Variants in PLPPR1 observed in about 807,000 individuals in gnomAD.
PLPPR1 encodes phospholipid phosphatase related 1.
Under a neutral mutation model 33.1 loss-of-function variants are expected in PLPPR1, and 10 were observed. The ratio of observed to expected loss-of-function variants is 0.30; its 90% CI spans 0.19 to 0.51. PLPPR1 has a LOEUF of 0.51. PLPPR1 is among the 20% of genes least tolerant of loss of function. PLPPR1 has a pLI of 0.97. For missense variants in PLPPR1, 304 were observed against 408.1 expected (o/e 0.74, Z 2.20); for synonymous variants, 151 against 151.0 (o/e 1.00, Z 0.00).
intron 1 of PLPPR1, among the ~76,000 whole-genome samples, chr9:101,110,376 C>T (rs940362978): frequency 6.6e-6 from 1 of 152,110 alleles, no homozygotes; most frequent in Non-Finnish European, 1.5e-5. Context: ...TAAATAAACA[C>T]AACTATTTAG....
At chr9:101,222,938 T>C (rs1470807698) in intron 2 of PLPPR1, among the ~76,000 whole-genome samples, 1 of 151,814 alleles carries the variant, frequency 6.6e-6, no homozygotes, top group East Asian at 1.9e-4. Flanking sequence ...TGGTTGTCTA[T>C]CCCAACTAGT....
intron 2 of PLPPR1, among the ~76,000 whole-genome samples, chr9:101,232,744 A>C (rs1181771779): frequency 6.6e-6 from 1 of 151,836 alleles, no homozygotes; most frequent in African/African-American, 2.4e-5. Flanking sequence ...CCCCATCACT[A>C]CCTTGCCCTA....
At position 101,183,580 on chromosome 9, in the gene PLPPR1, T is replaced by C. The variant is rs147493198; in HGVS notation, c.-45-1870T>C. ...TGATTAAAAAGTTCTAAAACTATCT[T>C]ATGGGAAAGTTGCACAATTTGGTAA... is the stretch of plus-strand genomic sequence containing the variant. On this transcript the variant is annotated intron_variant, in intron 1 of 7. Coordinates refer to ENST00000374874, the MANE Select transcript of PLPPR1 (RefSeq NM_207299.2). 3.1e-3 allele frequency among the ~76,000 whole-genome samples: 473 copies of C among 151,694 alleles called. 1 individual carries two copies. The highest frequency in any genetic ancestry group is 0.02 in the Middle Eastern group (6 of 294).
intron 1 of PLPPR1, among the ~76,000 whole-genome samples, chr9:101,069,194 C>A (rs78891538): frequency 0.014 from 2,187 of 151,936 alleles, 63 homozygotes; most frequent in African/African-American, 0.05. Flanking sequence ...AGCAGCCTGG[C>A]TCCTGATAAC....
chr9:101,156,962 C>T (rs1434445845), intron 1 of PLPPR1, among the ~76,000 whole-genome samples: 5 of 152,112 alleles, frequency 3.3e-5, no homozygotes, highest in Non-Finnish European at 7.3e-5. Context: ...GTGAGCCTGA[C>T]ATTGACATGG....
At chr9:101,279,315 G>A (rs1327792669) in intron 3 of PLPPR1, among the ~76,000 whole-genome samples, 1 of 152,154 alleles carries the variant, frequency 6.6e-6, no homozygotes, top group Non-Finnish European at 1.5e-5. Flanking sequence ...CCCAGCACTG[G>A]GGCATGCAGA....
intron 3 of PLPPR1, among the ~76,000 whole-genome samples, chr9:101,279,449 T>C (rs1315908820): frequency 3.3e-5 from 5 of 152,202 alleles, no homozygotes; most frequent in Non-Finnish European, 5.9e-5. Context: ...TAAAGGAACA[T>C]TGATCTTAAT....
intron 1 of PLPPR1, among the ~76,000 whole-genome samples, chr9:101,031,198 G>A (rs776272599): frequency 1.3e-5 from 2 of 151,968 alleles, no homozygotes; most frequent in African/African-American, 2.4e-5. Context: ...GAAAACCTTG[G>A]CAAGAAAAGA....
intron 1 of PLPPR1, among the ~76,000 whole-genome samples, chr9:101,052,184 CATA>C (rs1441965717): frequency 2.6e-5 from 4 of 152,098 alleles, no homozygotes; most frequent in Non-Finnish European, 5.9e-5. Flanking sequence ...GTGTATTGAA[CATA>C]ATAAGCACAT....
intron 1 of PLPPR1, among the ~76,000 whole-genome samples, chr9:101,068,641 G>A (rs1001915017): frequency 9.2e-5 from 14 of 151,596 alleles, no homozygotes; most frequent in African/African-American, 3.2e-4. Context: ...TTAAAACCTA[G>A]CCTCCCTGAG....
At chr9:101,140,027 A>G (rs560672299) in intron 1 of PLPPR1, among the ~76,000 whole-genome samples, 1 of 152,306 alleles carries the variant, frequency 6.6e-6, no homozygotes, top group South Asian at 2.1e-4. Context: ...ACAAATTGCC[A>G]TTCGATGGAG....
At chr9:101,038,001 A>T (rs1830030376) in intron 1 of PLPPR1, among the ~76,000 whole-genome samples, 1 of 152,136 alleles carries the variant, frequency 6.6e-6, no homozygotes, top group Admixed American at 6.5e-5. Context: ...ATGTAGATAT[A>T]ATGAGGTGCT....
rs530211227 is a variant in PLPPR1 at position 101,291,981 on chromosome 9, T to C, written c.385+5745T>C. Among the ~76,000 whole-genome samples the C allele has an allele frequency of 9.2e-5, 14 of 152,160 alleles. No individual in the cohort carries two copies. In the South Asian group the frequency reaches 2.9e-3, roughly 32 times the overall value. On this transcript the variant is annotated intron_variant, in intron 4 of 7. Transcript: ENST00000374874. ...GTTGAGAGAAGAAGGCTTCAGACGA[T>C]CAAACTACTCTGAGCTACAGGAGGA... is the stretch of plus-strand genomic sequence containing the variant.
chr9:101,119,392 G>C (rs2118590950), intron 1 of PLPPR1, among the ~76,000 whole-genome samples: 1 of 152,286 alleles, frequency 6.6e-6, no homozygotes, highest in South Asian at 2.1e-4. Flanking sequence ...GCAAACCCTG[G>C]CCATCAGATA....
intron 6 of PLPPR1, among the ~76,000 whole-genome samples, chr9:101,314,320 T>C (rs560777105): frequency 6.6e-6 from 1 of 152,168 alleles, no homozygotes; most frequent in South Asian, 2.1e-4. Context: ...CTCCCCAATA[T>C]GCAAAATACA....
At chr9:101,029,506 T>A (rs1829914052) in intron 1 of PLPPR1, among the ~76,000 whole-genome samples, 2 of 152,070 alleles carry the variant, frequency 1.3e-5, no homozygotes, top group South Asian at 4.2e-4. Flanking sequence ...TGATGCCAAG[T>A]CCTCCCACCC....
In PLPPR1 at chr9:101,324,010, G is replaced by A; in HGVS notation, c.946-15G>A. The A allele has an allele frequency of 2.5e-6, 4 of 1,611,660 alleles. No individual in the cohort carries two copies. Among genetic ancestry groups the A allele is most frequent in the Non-Finnish European group, 3.4e-6 (4 of 1,178,054 alleles). ...ACCCTATCTCAGATTTTATCTGCTT[G>A]TGTTTGCTCCACAGAATCACTCTGC... On this transcript the variant is annotated splice_polypyrimidine_tract_variant and intron_variant, in intron 7 of 7. Coordinates refer to ENST00000374874, the MANE Select transcript of PLPPR1 (RefSeq NM_207299.2).
intron 1 of PLPPR1, among the ~76,000 whole-genome samples, chr9:101,166,401 T>C (rs1453219886): frequency 2.0e-5 from 3 of 152,188 alleles, no homozygotes; most frequent in African/African-American, 7.2e-5. Flanking sequence ...ATATCATCTT[T>C]CCAAAAGACA....
chr9:101,312,398 C>T (rs1183363908), intron 5 of PLPPR1, among the ~76,000 whole-genome samples: 1 of 152,160 alleles, frequency 6.6e-6, no homozygotes, highest in African/African-American at 2.4e-5. Context: ...GTCTTCTCCA[C>T]CAAAAGCTTC....
Sources: allele counts gnomAD v4.1 joint callset (sites outside exome capture counted in the v4.1 genomes callset), GRCh38; gene constraint gnomAD v4.1.1; transcripts MANE v1.5; gene names NCBI Gene and HGNC (gene_info 2026-07-23, HGNC 2026-07-21).